The following CMTM4 variants were observed in gnomAD, a reference collection of about 807,000 sequenced individuals.
CMTM4 encodes CKLF-like MARVEL transmembrane domain-containing protein 4.
CMTM4 carries 8 observed loss-of-function variants against 19.0 expected under a neutral mutation model. The ratio of observed to expected loss-of-function variants is 0.42; its 90% confidence interval spans 0.25 to 0.76. The LOEUF (loss-of-function observed/expected upper bound fraction) is 0.76, where lower values mean the gene tolerates loss of function less well. CMTM4 is among the 30% of genes least tolerant of loss of function. The pLI is 0.27. For missense variants in CMTM4, 228 were observed against 290.2 expected (o/e 0.79, Z 1.56); for synonymous variants, 106 against 121.1 (o/e 0.88, Z 0.82).
chr16:66,660,387 C>CA lies in CMTM4; in HGVS notation c.187-23807dup, dbSNP rs34266604. On this transcript the variant is annotated intron_variant, in intron 1 of 3. Coordinates refer to ENST00000394106, the MANE Select transcript of CMTM4 (RefSeq NM_181521.3). ...TGGACAATAGGGTGAGATCCTGTCT[C>CA]AAAAAAAAAAAAAAAAAAACAAAAC... 3.2e-3 allele frequency among the ~76,000 whole-genome samples: 273 copies of CA among 84,406 alleles called. 3 individuals carry two copies. The highest frequency in any genetic ancestry group is 6.1e-3 in the East Asian group (18 of 2,940). The allele number at this position is 84,406 out of a possible 152,430, so 55.4% of individuals were successfully genotyped here. A position where few individuals can be genotyped will look rare whatever the true frequency, so the allele number is the denominator to read the frequency against.
chr16:66,639,084 C>T (rs546363242), intron 1 of CMTM4, among the ~76,000 whole-genome samples: 1 of 152,328 alleles, frequency 6.6e-6, no homozygotes, highest in African/African-American at 2.4e-5. Context: ...AATATACACA[C>T]TGTGCTTCTC....
intron 2 of CMTM4, among the ~76,000 whole-genome samples, chr16:66,628,879 T>C (rs1022751055): frequency 2.6e-5 from 4 of 152,266 alleles, no homozygotes; most frequent in Non-Finnish European, 5.9e-5. Flanking sequence ...CATTTATTTC[T>C]ACTTTTTGGT....
chr16:66,693,205 C>T (rs2017168667), intron 1 of CMTM4, among the ~76,000 whole-genome samples: 1 of 151,882 alleles, frequency 6.6e-6, no homozygotes, highest in South Asian at 2.1e-4. Flanking sequence ...TCCTGGGCAT[C>T]AAGAACAAAA....
chr16:66,598,517 G>T, the CMTM4 span, among the ~76,000 whole-genome samples: 1 of 152,148 alleles, frequency 6.6e-6, no homozygotes, highest in African/African-American at 2.4e-5. Flanking sequence ...AGGTCCCTGT[G>T]TAACCACCAC....
At chr16:66,646,494 T>C (rs1230377314) in intron 1 of CMTM4, among the ~76,000 whole-genome samples, 1 of 152,142 alleles carries the variant, frequency 6.6e-6, no homozygotes, top group Non-Finnish European at 1.5e-5. Flanking sequence ...ATATTGATAG[T>C]AAACCCATCT....
chr16:66,676,618 A>G (rs534470114), intron 1 of CMTM4, among the ~76,000 whole-genome samples: 1 of 152,280 alleles, frequency 6.6e-6, no homozygotes, highest in Non-Finnish European at 1.5e-5. Flanking sequence ...TTCTGACTGG[A>G]GCCACCTTGA....
Position 66,625,604 on chromosome 16 carries a change from ATTT to A in CMTM4, c.364-2105_364-2103del, listed in dbSNP as rs201538222. Among the ~76,000 whole-genome samples the A allele has an allele frequency of 9.3e-3, 1,409 of 152,234 alleles. 23 individuals carry two copies. Among genetic ancestry groups the A allele is most frequent in the African/African-American group, 0.032 (1,346 of 41,534 alleles). On this transcript the variant is annotated intron_variant, in intron 2 of 3. Coordinates refer to ENST00000394106, the MANE Select transcript of CMTM4 (RefSeq NM_181521.3). ...AGGGAAAAAATATGTCAAAAAGCCT[ATTT>A]TAAAAAGATAAAAAATAATCTTTCA...
In CMTM4 at chr16:66,672,985, C is replaced by T. The variant is rs1162030935; in HGVS notation, c.186+23355G>A. Among the ~76,000 whole-genome samples, 4 of 147,530 alleles carry T rather than the reference C, an allele frequency of 2.7e-5. No homozygotes were observed. The East Asian group carries it at 7.9e-4, about 29-fold the overall frequency. On this transcript the variant is annotated intron_variant, in intron 1 of 3. Coordinates refer to ENST00000394106, the MANE Select transcript of CMTM4 (RefSeq NM_181521.3). ...ATCACAGTGGTGCAATCTCGGCTCACCACAACCTCAGCCTCCCAGGTTCAA... is the reference window on the plus strand; with the variant it reads ...ATCACAGTGGTGCAATCTCGGCTCATCACAACCTCAGCCTCCCAGGTTCAA...
Position 66,622,008 on chromosome 16 carries a change from G to T in CMTM4, c.*50C>A. ...TGACAGGACAAGGGAAAGAAAACTT[G>T]ACTGAGAGACAGGCACGAGGACGGG... is the stretch of plus-strand genomic sequence containing the variant. On this transcript the variant is annotated 3_prime_UTR_variant, in exon 4 of 4. Transcript: ENST00000394106. The surrounding 1 kb of genome is among the most constrained non-coding windows in gnomAD (Gnocchi z 4.0). 1 of 1,524,802 alleles carries T rather than the reference G, an allele frequency of 6.6e-7. No individual in the cohort carries two copies. The highest frequency in any genetic ancestry group is 1.2e-5 in the South Asian group (1 of 82,908). The allele number at this position is 1,524,802 out of a possible 1,614,324, so 94.5% of individuals were successfully genotyped here. A position where few individuals can be genotyped will look rare whatever the true frequency, so the allele number is the denominator to read the frequency against.
At chr16:66,636,646 C>A (rs1027910590) in intron 1 of CMTM4, 65 bp from the exon 2 acceptor site, 2 of 1,315,330 alleles carry the variant, frequency 1.5e-6, no homozygotes, top group Non-Finnish European at 2.2e-6. Context: ...GACATACGTA[C>A]CTGCCATGCT....
chr16:66,605,732 G>C, the CMTM4 span, among the ~76,000 whole-genome samples: 661 of 152,364 alleles, frequency 4.3e-3, 3 homozygotes, highest in African/African-American at 0.014. This position sits in a 1 kb window ranked among gnomAD's most constrained non-coding sequence, Gnocchi z 4.6. Context: ...AGAGCGCTCA[G>C]GCGCCTGATT....
At chr16:66,670,694 G>A (rs2016688713) in intron 1 of CMTM4, among the ~76,000 whole-genome samples, 1 of 152,020 alleles carries the variant, frequency 6.6e-6, no homozygotes, top group Non-Finnish European at 1.5e-5. Context: ...CAGCTATTCA[G>A]GAGGCTGAGG....
chr16:66,639,427 C>T (rs2016059354), intron 1 of CMTM4, among the ~76,000 whole-genome samples: 2 of 152,078 alleles, frequency 1.3e-5, no homozygotes, highest in South Asian at 2.1e-4. Flanking sequence ...ACAAAACAGA[C>T]AAAAACTCCT....
chr16:66,609,634 G>A, the CMTM4 span: 45 of 1,512,032 alleles, frequency 3.0e-5, no homozygotes, highest in East Asian at 2.5e-4. The surrounding 1 kb of genome is among the most constrained non-coding windows in gnomAD (Gnocchi z 4.4). Context: ...CCCCCCTGGG[G>A]TCTCATGTGG....
At position 66,618,395 on chromosome 16, in the gene CMTM4, C is replaced by T; in HGVS notation, c.*3663G>A. The T allele has an allele frequency of 2.0e-6, 2 of 985,454 alleles. No individual in the cohort carries two copies. Among genetic ancestry groups the T allele is most frequent in the Non-Finnish European group, 2.4e-6 (2 of 829,950 alleles). The allele number at this position is 985,454 out of a possible 1,614,324, so 61.0% of individuals were successfully genotyped here. On this transcript the variant is annotated 3_prime_UTR_variant, in exon 4 of 4. Coordinates refer to ENST00000394106, the MANE Select transcript of CMTM4 (RefSeq NM_181521.3). ...ATAGGAACCCTTAAATCATCACTGC[C>T]TTGCAGAATCACTAAATTGTTCAGG...
intron 1 of CMTM4, among the ~76,000 whole-genome samples, chr16:66,662,736 AC>A (rs2016520852): frequency 6.6e-6 from 1 of 152,190 alleles, no homozygotes; most frequent in Non-Finnish European, 1.5e-5. Context: ...GAGTAGGGTA[AC>A]TAAAGAACCA....
intron 1 of CMTM4, among the ~76,000 whole-genome samples, chr16:66,669,591 G>A (rs926835969): frequency 6.6e-6 from 1 of 152,044 alleles, no homozygotes; most frequent in Admixed American, 6.6e-5. Context: ...ACCCAGGCTG[G>A]AGTGCAGTGG....
chr16:66,671,126 T>C (rs1439466275), intron 1 of CMTM4, among the ~76,000 whole-genome samples: 3 of 152,256 alleles, frequency 2.0e-5, no homozygotes, highest in Non-Finnish European at 4.4e-5. Context: ...GACAAATTTA[T>C]GTATGACTTG....
chr16:66,609,691 C>G, the CMTM4 span: 3 of 1,543,174 alleles, frequency 1.9e-6, no homozygotes, highest in Non-Finnish European at 2.6e-6. This position sits in a 1 kb window ranked among gnomAD's most constrained non-coding sequence, Gnocchi z 4.4. Context: ...CTGACTCTAC[C>G]CGGGGTTTTG....
Sources: allele counts gnomAD v4.1 joint callset (sites outside exome capture counted in the v4.1 genomes callset), GRCh38; gene constraint gnomAD v4.1.1; non-coding constraint Gnocchi (gnomAD v3.1); transcripts MANE v1.5; gene names NCBI Gene and HGNC (gene_info 2026-07-23, HGNC 2026-07-21).